SRP68: variants seen among roughly 807,000 people sequenced by gnomAD.
SRP68 encodes the protein signal recognition particle 68.
A neutral mutation model predicts 82.2 loss-of-function variants in SRP68; 15 were observed. The observed-to-expected ratio is 0.18, with a 90% confidence interval of 0.12 to 0.28. The LOEUF (loss-of-function observed/expected upper bound fraction) is 0.28, where lower values mean the gene tolerates loss of function less well. Ranked by LOEUF, SRP68 falls within the 10% of genes least tolerant of loss-of-function variation. SRP68 has a pLI of 1.00. For missense variants in SRP68, 595 were observed against 780.5 expected, an observed-to-expected ratio of 0.76 and a Z score of 2.83; for synonymous variants, 261 against 292.6, an observed-to-expected ratio of 0.89 and a Z score of 1.10.
intron 6 of SRP68, 44 bp from the exon 7 acceptor site, chr17:76,060,434 T>C: frequency 6.9e-7 from 1 of 1,459,394 alleles, no homozygotes; most frequent in South Asian, 1.2e-5. Context: ...CTGGTCTGTT[T>C]TCTTGAGAAT....
chr17:76,051,992 C>T (rs1443312218), intron 8 of SRP68, among the ~76,000 whole-genome samples: 2 of 152,202 alleles, frequency 1.3e-5, no homozygotes, highest in African/African-American at 2.4e-5. Context: ...ACTGTAACCA[C>T]CGCCTCCTGG....
intron 4 of SRP68, among the ~76,000 whole-genome samples, 195 bp downstream of exon 4, chr17:76,063,781 T>A (rs922970994): frequency 2.0e-5 from 3 of 151,798 alleles, no homozygotes; most frequent in Non-Finnish European, 4.4e-5. Flanking sequence ...TGCCCAATTT[T>A]AAAAAAAGGA....
chr17:76,064,644 C>T (rs1305409370), intron 3 of SRP68, among the ~76,000 whole-genome samples: 2 of 152,034 alleles, frequency 1.3e-5, no homozygotes, highest in Non-Finnish European at 2.9e-5. Context: ...AGTTCGAGAT[C>T]AGCCTGGCCA....
chr17:76,060,458 T>G, intron 6 of SRP68, 68 bp from the exon 7 acceptor site: 2 of 1,187,724 alleles, frequency 1.7e-6, no homozygotes, highest in Non-Finnish European at 2.5e-6. Context: ...TAGATTCAAC[T>G]CAGACTTAAA....
intron 8 of SRP68, among the ~76,000 whole-genome samples, chr17:76,056,801 G>A (rs1042878718): frequency 1.2e-4 from 18 of 152,144 alleles, no homozygotes; most frequent in Non-Finnish European, 5.9e-5. Flanking sequence ...TAACTCATGT[G>A]GAAAAGAAGC....
chr17:76,046,352 T>C (rs760565469), intron 10 of SRP68, among the ~76,000 whole-genome samples, 158 bp from the exon 11 acceptor site: 1 of 152,002 alleles, frequency 6.6e-6, no homozygotes, highest in Non-Finnish European at 1.5e-5. Context: ...GACCCTCCAT[T>C]TGGCTACTAT....
chr17:76,050,372 A>G, intron 9 of SRP68, 56 bp downstream of exon 9: 1 of 1,275,664 alleles, frequency 7.8e-7, no homozygotes, highest in South Asian at 1.2e-5. Context: ...AGAAGGGGAC[A>G]CAGGCTGACC....
intron 8 of SRP68, among the ~76,000 whole-genome samples, chr17:76,052,987 C>T (rs557590531): frequency 8.2e-4 from 124 of 150,998 alleles, no homozygotes; most frequent in Non-Finnish European, 1.6e-3. Context: ...TGGCGTCGGA[C>T]GCGGTGGCTC....
chr17:76,062,643 ATATACATTATATAT>A lies in SRP68; in HGVS notation c.562-1083_562-1070del, dbSNP rs1366288488. ...TATAATATACATTATATATTATATAATATACATTATATATTATATAATATACATTATATAATATA... is the reference window on the plus strand; with the variant it reads ...TATAATATACATTATATATTATATAATATATAATATACATTATATAATATA... On this transcript the variant is annotated intron_variant, in intron 4 of 15. Coordinates refer to ENST00000307877, the MANE Select transcript of SRP68 (RefSeq NM_014230.4). Among the ~76,000 whole-genome samples the A allele has an allele frequency of 4.6e-3, 130 of 28,492 alleles. 24 individuals are homozygous for A. The African/African-American group carries it at 0.048, about 10-fold the overall frequency. The allele number at this position is 28,492 out of a possible 152,430, so 18.7% of individuals were successfully genotyped here. A position where few individuals can be genotyped will look rare whatever the true frequency, so the allele number is the denominator to read the frequency against.
In SRP68 at chr17:76,050,441, A is replaced by G. The variant is rs1323770653; in HGVS notation, c.1064T>C (p.Leu355Pro). 6.2e-7 allele frequency: 1 copy of G among 1,613,526 alleles called. No homozygotes were observed. The highest frequency in any genetic ancestry group is 8.5e-7 in the Non-Finnish European group (1 of 1,179,632). The change falls in exon 9 of 16, where the codon CTC becomes CCC. Residue 355 changes from leucine to proline, a missense_variant. Leu to Pro is a moderately conservative substitution (Grantham distance 98, BLOSUM62 -3). Around this residue, in one of 2 missense-constraint regions of SRP68, gnomAD observed 495 missense variants for 688.6 expected, o/e 0.72. Transcript: ENST00000307877. ...TGAGGGTCCTACCTGATCTGGCTTG[A>G]GCTCCTCCCGAACCACCTGGATGGC... ...RDAIQVVREELKPDQKQRDYI... is the reference protein window; with the variant it reads ...RDAIQVVREEPKPDQKQRDYI...
At chr17:76,067,190 T>C (rs772399815) in intron 3 of SRP68, 27 bp downstream of exon 3, 5 of 1,526,248 alleles carry the variant, frequency 3.3e-6, no homozygotes, top group South Asian at 1.1e-5. Context: ...AAGAAGTAAT[T>C]TGCAACTAGC....
intron 8 of SRP68, among the ~76,000 whole-genome samples, chr17:76,054,301 T>C (rs191066309): frequency 6.6e-6 from 1 of 152,218 alleles, no homozygotes; most frequent in East Asian, 1.9e-4. Context: ...TGGAAGGTGG[T>C]AGTATGACTA....
At position 76,039,638 on chromosome 17, in the gene SRP68, C is replaced by T. The variant is rs561797576; in HGVS notation, c.*68G>A. 8.1e-5 allele frequency: 121 copies of T among 1,488,566 alleles called. No homozygotes were observed. The Admixed American group carries it at 2.2e-3, about 27-fold the overall frequency. 92.2% of individuals were successfully genotyped at this position (1,488,566 alleles called of 1,614,324 possible). On this transcript the variant is annotated 3_prime_UTR_variant, in exon 16 of 16. Transcript: ENST00000307877. ...CAGACCTGGATTTAATATCATGGAA[C>T]TTGCTGGGATTTTCTCACAATACAG...
At chr17:76,070,248 A>AAAAAG in intron 2 of SRP68, 130 bp downstream of exon 2, 1 of 732,676 alleles carries the variant, frequency 1.4e-6, no homozygotes, top group Non-Finnish European at 2.2e-6. Context: ...AACAAAGCAA[A>AAAAAG]CAAACAAACA....
Position 76,072,173 on chromosome 17 carries a change from A to C in SRP68, c.184+135T>G. On this transcript the variant is annotated intron_variant, in intron 1 of 15. Coordinates refer to ENST00000307877, the MANE Select transcript of SRP68 (RefSeq NM_014230.4). This position sits in a 1 kb window ranked among gnomAD's most constrained non-coding sequence, Gnocchi z 4.5. ...ACCCCCCCCGGAATTCTGAGCACCA[A>C]AAGGTAAGGGCGAGAGAAACTGCAA... is the stretch of plus-strand genomic sequence containing the variant. 6.6e-7 allele frequency: 1 copy of C among 1,512,938 alleles called. No homozygotes were observed. 93.7% of individuals were successfully genotyped at this position (1,512,938 alleles called of 1,614,324 possible). A position where few individuals can be genotyped will look rare whatever the true frequency, so the allele number is the denominator to read the frequency against.
intron 8 of SRP68, among the ~76,000 whole-genome samples, chr17:76,055,258 C>T (rs938366475): frequency 2.6e-5 from 4 of 152,086 alleles, no homozygotes; most frequent in Admixed American, 6.5e-5. Context: ...TGAGCCACCG[C>T]ACCCGGCCTA....
chr17:76,055,478 C>G (rs374740832), intron 8 of SRP68, among the ~76,000 whole-genome samples: 1 of 151,486 alleles, frequency 6.6e-6, no homozygotes, highest in Admixed American at 6.6e-5. Flanking sequence ...CATGTGGGCC[C>G]GGTGCAGTGG....
At position 76,072,148 on chromosome 17, in the gene SRP68, AC is replaced by A. The variant is rs3837793; in HGVS notation, c.184+159del. 796 of 1,263,310 alleles carry A rather than the reference AC, an allele frequency of 6.3e-4. 3 individuals carry two copies. The highest frequency in any genetic ancestry group is 1.3e-3 in the Admixed American group (50 of 39,852). The allele number at this position is 1,263,310 out of a possible 1,614,324, so 78.3% of individuals were successfully genotyped here. ...CGAGGAAAGACTAGTCGAGAGACAGACCCCCCCCGGAATTCTGAGCACCAAA... is the reference window on the plus strand; with the variant it reads ...CGAGGAAAGACTAGTCGAGAGACAGACCCCCCCGGAATTCTGAGCACCAAA... On this transcript the variant is annotated intron_variant, in intron 1 of 15. Coordinates refer to ENST00000307877, the MANE Select transcript of SRP68 (RefSeq NM_014230.4). This position sits in a 1 kb window ranked among gnomAD's most constrained non-coding sequence, Gnocchi z 4.5.
At chr17:76,064,798 G>A (rs942694400) in intron 3 of SRP68, among the ~76,000 whole-genome samples, 4 of 140,576 alleles carry the variant, frequency 2.8e-5, no homozygotes, top group East Asian at 2.1e-4. Flanking sequence ...CTGAGATCAC[G>A]CCACTATACT....
Sources: gnomAD v4.1 joint callset for allele counts (sites outside exome capture counted in the v4.1 genomes callset) on GRCh38, gnomAD v4.1.1 for gene constraint, gnomAD v4.1.1 regional missense constraint, Gnocchi (gnomAD v3.1) non-coding constraint, MANE v1.5 for transcripts, NCBI Gene and HGNC (gene_info 2026-07-23, HGNC 2026-07-21) for gene names.